Variants in KIAA1217 observed in about 807,000 individuals in gnomAD.
KIAA1217 encodes the protein sickle tail protein homolog.
KIAA1217 carries 88 observed loss-of-function variants against 163.9 expected under a neutral mutation model. That is an observed-to-expected ratio of 0.54 (90% CI 0.45 to 0.64). The LOEUF is 0.64. KIAA1217 is among the 30% of genes least tolerant of loss of function. The probability of loss-of-function intolerance (pLI) is 0.00; values close to 1 mark genes in which losing one functional copy is unlikely to be tolerated. For missense variants in KIAA1217, 2,372 were observed against 2,475.0 expected (o/e 0.96, Z 0.88); for synonymous variants, 903 against 923.1 (o/e 0.98, Z 0.39).
intron 2 of KIAA1217, among the ~76,000 whole-genome samples, chr10:24,263,509 G>T (rs1284339323): frequency 6.6e-6 from 1 of 152,154 alleles, no homozygotes; most frequent in African/African-American, 2.4e-5. Flanking sequence ...AGGAACACTG[G>T]GTTCTTGAGT....
At position 24,532,956 on chromosome 10, in the gene KIAA1217, A is replaced by T. The variant is rs113471853; in HGVS notation, c.3247-114A>T. The stretch of plus-strand genomic sequence containing the variant: ...AAAATAGCCTTTCAGCTATTTTCTC[A>T]GCTAAGATCTAGGAAGCAAGTGTTC... On this transcript the variant is annotated intron_variant, in intron 15 of 20. Coordinates refer to ENST00000376454, the MANE Select transcript of KIAA1217 (RefSeq NM_019590.5). 7.9e-3 allele frequency: 6,871 copies of T among 866,454 alleles called. 54 individuals carry two copies. The highest frequency in any genetic ancestry group is 0.03 in the Middle Eastern group (82 of 2,732). The allele number at this position is 866,454 out of a possible 1,614,324, so 53.7% of individuals were successfully genotyped here. A position where few individuals can be genotyped will look rare whatever the true frequency, so the allele number is the denominator to read the frequency against.
intron 2 of KIAA1217, among the ~76,000 whole-genome samples, chr10:24,368,286 A>G (rs2051071343): frequency 6.6e-6 from 1 of 152,190 alleles, no homozygotes; most frequent in Non-Finnish European, 1.5e-5. Flanking sequence ...GCTCTTCCCT[A>G]CAACTTCACA....
chr10:24,450,745 T>C (rs1275026301), intron 5 of KIAA1217, among the ~76,000 whole-genome samples: 2 of 152,174 alleles, frequency 1.3e-5, no homozygotes, highest in Non-Finnish European at 2.9e-5. Context: ...CATTTTAAGT[T>C]TGGAAAACCA....
At chr10:24,444,269 C>G (rs903700056) in intron 5 of KIAA1217, among the ~76,000 whole-genome samples, 1 of 152,144 alleles carries the variant, frequency 6.6e-6, no homozygotes, top group African/African-American at 2.4e-5. Flanking sequence ...GCCTCGGCCT[C>G]CTAAAGTGCT....
chr10:24,511,152 CAAAAAAAAA>C (rs58529942), intron 9 of KIAA1217, among the ~76,000 whole-genome samples: 1 of 34,512 alleles, frequency 2.9e-5, no homozygotes, highest in African/African-American at 1.9e-4. Context: ...GACTCTGTCT[CAAAAAAAAA>C]AAAAAAAAAA....
intron 1 of KIAA1217, among the ~76,000 whole-genome samples, chr10:23,894,708 G>A (rs1055227956): frequency 2.7e-5 from 4 of 146,954 alleles, no homozygotes; most frequent in African/African-American, 1.0e-4. Flanking sequence ...AAAGAACAAA[G>A]CTGGAGGCAT....
At chr10:23,785,632 G>A (rs1835460681) in intron 1 of KIAA1217, among the ~76,000 whole-genome samples, 1 of 152,130 alleles carries the variant, frequency 6.6e-6, no homozygotes, top group Admixed American at 6.6e-5. Context: ...ACATGGACAT[G>A]TTATTTAACC....
intron 2 of KIAA1217, among the ~76,000 whole-genome samples, chr10:24,247,680 A>G (rs2073980305): frequency 6.6e-6 from 1 of 152,018 alleles, no homozygotes; most frequent in Admixed American, 6.6e-5. Flanking sequence ...GGGCGCCTGT[A>G]GTCCCAGCTA....
intron 2 of KIAA1217, among the ~76,000 whole-genome samples, chr10:24,310,267 T>C (rs1458724256): frequency 6.6e-6 from 1 of 152,232 alleles, no homozygotes; most frequent in Admixed American, 6.5e-5. Flanking sequence ...CTGTAAACTC[T>C]TTATGTGTGT....
At chr10:24,168,974 A>G (rs2065488175) in intron 2 of KIAA1217, among the ~76,000 whole-genome samples, 1 of 152,236 alleles carries the variant, frequency 6.6e-6, no homozygotes, top group South Asian at 2.1e-4. Flanking sequence ...CTGGCAGAGC[A>G]CAGGGTCATT....
intron 1 of KIAA1217, among the ~76,000 whole-genome samples, chr10:23,911,434 A>C (rs1842422916): frequency 6.6e-6 from 1 of 152,164 alleles, no homozygotes; most frequent in Non-Finnish European, 1.5e-5. Flanking sequence ...AAATGCAAGC[A>C]ATTTCCCCTT....
At chr10:24,121,935 A>G (rs2063296587) in intron 2 of KIAA1217, among the ~76,000 whole-genome samples, 1 of 152,166 alleles carries the variant, frequency 6.6e-6, no homozygotes, top group Non-Finnish European at 1.5e-5. Context: ...TGTGTTAGAT[A>G]CAGACATACA....
intron 3 of KIAA1217, among the ~76,000 whole-genome samples, chr10:24,403,537 C>A (rs951552030): frequency 6.6e-6 from 1 of 152,130 alleles, no homozygotes; most frequent in African/African-American, 2.4e-5. Flanking sequence ...TCTTGCCCAG[C>A]CTGGATCTCC....
chr10:24,166,363 A>G (rs544702000), intron 2 of KIAA1217, among the ~76,000 whole-genome samples: 58 of 152,326 alleles, frequency 3.8e-4, no homozygotes, highest in African/African-American at 1.3e-3. Flanking sequence ...ACGGGTACAA[A>G]TATACACTTA....
In KIAA1217 at chr10:24,524,526, C is replaced by T. The variant is rs186237436; in HGVS notation, c.2660C>T (p.Ala887Val). The part of the protein sequence containing the change: ...VPLSGMMVRH[A>V]QSSPVVIQPS... Reference sequence around the variant, plus strand: ...TTGTCCGGCATGATGGTTCGCCACGCGCAGAGCTCCCCTGTGGTCATCCAG... The same window carrying T: ...TTGTCCGGCATGATGGTTCGCCACGTGCAGAGCTCCCCTGTGGTCATCCAG... The change falls in exon 13 of 21, where the codon GCG becomes GTG. Residue 887 changes from alanine to valine, a missense_variant. This residue lies in a region of KIAA1217 where 1,431 missense variants were observed against 1,470.3 expected (regional missense o/e 0.97). Transcript: ENST00000376454. 2.2e-4 allele frequency: 358 copies of T among 1,614,100 alleles called. 1 individual carries two copies. In the East Asian group the frequency reaches 6.5e-3, roughly 29 times the overall value.
At chr10:24,238,349 T>A (rs2072570204) in intron 2 of KIAA1217, among the ~76,000 whole-genome samples, 1 of 152,144 alleles carries the variant, frequency 6.6e-6, no homozygotes, top group African/African-American at 2.4e-5. Flanking sequence ...TGCCTAGTGG[T>A]CAGCAGTCTT....
intron 1 of KIAA1217, among the ~76,000 whole-genome samples, chr10:23,919,799 C>T (rs918635725): frequency 5.9e-5 from 9 of 152,074 alleles, no homozygotes; most frequent in Non-Finnish European, 8.8e-5. Flanking sequence ...AGAGAGCTGA[C>T]CTGAATCTAG....
At position 24,189,118 on chromosome 10, in the gene KIAA1217, AAG is replaced by A. The variant is rs1554899103; in HGVS notation, c.-170-30506_-170-30505del. On this transcript the variant is annotated intron_variant, in intron 2 of 18. Coordinates refer to the KIAA1217 transcript ENST00000376462. ...GAGACTCTGTCTCAAAAAAAAAAAA[AAG>A]AAAAGAAAAAGAAAGCTTCATATTC... Among the ~76,000 whole-genome samples the A allele has an allele frequency of 1.7e-3, 255 of 148,176 alleles. 16 individuals carry two copies. Among genetic ancestry groups the A allele is most frequent in the African/African-American group, 4.7e-3 (194 of 40,952 alleles).
At chr10:23,855,939 C>A (rs1439348918) in intron 1 of KIAA1217, among the ~76,000 whole-genome samples, 1 of 152,136 alleles carries the variant, frequency 6.6e-6, no homozygotes, top group Non-Finnish European at 1.5e-5. Flanking sequence ...TTTTTAACTT[C>A]TTTGCCTTTG....
Sources: allele counts gnomAD v4.1 joint callset (sites outside exome capture counted in the v4.1 genomes callset), GRCh38; gene constraint gnomAD v4.1.1; regional missense constraint gnomAD v4.1.1; transcripts MANE v1.5; gene names NCBI Gene and HGNC (gene_info 2026-07-23, HGNC 2026-07-21).